Variants in ACCSL observed in about 807,000 individuals in gnomAD.
The protein encoded by ACCSL is 1-aminocyclopropane-1-carboxylate synthase homolog (inactive) like.
In ACCSL, 55 loss-of-function variants were observed where a neutral mutation model predicts 61.7. The ratio of observed to expected loss-of-function variants is 0.89; its 90% confidence interval spans 0.72 to 1.12. The LOEUF is 1.12. Ranked by LOEUF, ACCSL falls within the 50% of genes most tolerant of loss-of-function variation. ACCSL has a pLI of 0.00. For missense variants in ACCSL, 632 were observed against 698.0 expected (o/e 0.91, Z 1.07); for synonymous variants, 258 against 264.3 (o/e 0.98, Z 0.23).
At chr11:43,944,626 CAG>C in the ACCSL span, 1 of 152,384 alleles carries the variant, frequency 6.6e-6, no homozygotes, top group South Asian at 2.1e-4. Flanking sequence ...CCTAGGGTAA[CAG>C]GGAGAGGAGC....
At chr11:44,029,989 AT>A in the ACCSL span, among the ~76,000 whole-genome samples, 1 of 83,208 alleles carries the variant, frequency 1.2e-5, no homozygotes, top group South Asian at 3.4e-4. Flanking sequence ...ATTTTATTTT[AT>A]TTTATTTTAT....
the ACCSL span, chr11:43,925,223 C>T: frequency 8.2e-6 from 3 of 367,272 alleles, no homozygotes; most frequent in Non-Finnish European, 1.6e-5. Context: ...ACATACTGCC[C>T]TTTGACTCCC....
chr11:43,987,152 C>T, the ACCSL span, among the ~76,000 whole-genome samples: 3 of 152,204 alleles, frequency 2.0e-5, no homozygotes, highest in African/African-American at 4.8e-5. Context: ...TGTAGGGACA[C>T]GCCCATCAGG....
the ACCSL span, among the ~76,000 whole-genome samples, chr11:44,026,993 G>T: frequency 1.3e-5 from 2 of 152,320 alleles, no homozygotes; most frequent in East Asian, 3.9e-4. Flanking sequence ...CTCCCAAAGT[G>T]CTGGGATTAC....
chr11:44,030,330 T>C, the ACCSL span, among the ~76,000 whole-genome samples: 23 of 151,822 alleles, frequency 1.5e-4, no homozygotes, highest in African/African-American at 5.6e-4. Context: ...AACCCCAGAT[T>C]GTAGAGCCCC....
chr11:43,954,318 A>G, the ACCSL span, among the ~76,000 whole-genome samples: 1 of 152,118 alleles, frequency 6.6e-6, no homozygotes, highest in East Asian at 1.9e-4. Context: ...TTGAGAGCGG[A>G]GGTTTAATAG....
the ACCSL span, among the ~76,000 whole-genome samples, chr11:44,031,451 C>T: frequency 3.3e-5 from 5 of 152,190 alleles, no homozygotes; most frequent in Middle Eastern, 0.01. Flanking sequence ...AAAAGTGTCT[C>T]GAGGAAAACA....
At chr11:44,005,103 G>A in the ACCSL span, among the ~76,000 whole-genome samples, 5 of 131,504 alleles carry the variant, frequency 3.8e-5, no homozygotes, top group Admixed American at 8.7e-5. Context: ...TCGAGTCCCG[G>A]CAAGCTCACC....
chr11:43,967,451 T>C, the ACCSL span, among the ~76,000 whole-genome samples: 1 of 152,102 alleles, frequency 6.6e-6, no homozygotes, highest in Admixed American at 6.5e-5. Context: ...AGTGCTGCAA[T>C]TACAGGCGTG....
At chr11:44,056,350 G>A (rs1432180371) in intron 11 of ACCSL, 24 bp downstream of exon 11, 1 of 1,606,150 alleles carries the variant, frequency 6.2e-7, no homozygotes, top group Admixed American at 1.7e-5. Flanking sequence ...GCACAGACCA[G>A]CATGTTGGCT....
the ACCSL span, among the ~76,000 whole-genome samples, chr11:43,983,410 G>C: frequency 2.8e-3 from 419 of 152,320 alleles, 4 homozygotes; most frequent in African/African-American, 9.6e-3. Context: ...TGGTGCAGGG[G>C]ATGTGGTCCA....
chr11:43,992,054 C>CTTT, the ACCSL span, among the ~76,000 whole-genome samples: 17 of 114,130 alleles, frequency 1.5e-4, no homozygotes, highest in Non-Finnish European at 2.8e-4. Flanking sequence ...TTCTTTCTTT[C>CTTT]TTTTTTTTTT....
At chr11:44,048,829 A>G (rs1952617538) in intron 1 of ACCSL, among the ~76,000 whole-genome samples, 1 of 152,102 alleles carries the variant, frequency 6.6e-6, no homozygotes, top group Admixed American at 6.5e-5. Flanking sequence ...CCGTTAAAGA[A>G]CTTAGCGTAG....
chr11:44,021,017 TTATC>T, the ACCSL span, among the ~76,000 whole-genome samples: 2 of 152,196 alleles, frequency 1.3e-5, no homozygotes, highest in South Asian at 4.1e-4. Flanking sequence ...CACATTTTCT[TTATC>T]TAGTTGTTGG....
the ACCSL span, among the ~76,000 whole-genome samples, chr11:44,017,343 T>G: frequency 5.9e-5 from 9 of 152,160 alleles, no homozygotes; most frequent in African/African-American, 2.2e-4. Context: ...GGTTGTGCAC[T>G]GCACAACTCC....
chr11:44,003,237 G>T, the ACCSL span, among the ~76,000 whole-genome samples: 7 of 152,186 alleles, frequency 4.6e-5, no homozygotes, highest in Non-Finnish European at 8.8e-5. Context: ...CCTCAGAGAG[G>T]ACATGGTGTT....
chr11:44,033,051 C>A, the ACCSL span, among the ~76,000 whole-genome samples: 1 of 152,150 alleles, frequency 6.6e-6, no homozygotes, highest in Non-Finnish European at 1.5e-5. Flanking sequence ...TGGAGTAAGG[C>A]TCAACAAAAG....
At chr11:44,050,684 A>G (rs1590429307) in intron 3 of ACCSL, 62 bp downstream of exon 3, 2 of 1,516,520 alleles carry the variant, frequency 1.3e-6, no homozygotes, top group East Asian at 4.5e-5. Context: ...ATCCAGAAGG[A>G]GGATTCAAGG....
At chr11:43,998,383 T>C in the ACCSL span, among the ~76,000 whole-genome samples, 3 of 152,182 alleles carry the variant, frequency 2.0e-5, no homozygotes, top group Non-Finnish European at 4.4e-5. Context: ...GATTTTTTTG[T>C]CTCTCCTCCC....
Sources: gnomAD v4.1 joint callset for allele counts (sites outside exome capture counted in the v4.1 genomes callset) on GRCh38, gnomAD v4.1.1 for gene constraint, MANE v1.5 for transcripts, NCBI Gene and HGNC (gene_info 2026-07-23, HGNC 2026-07-21) for gene names.